Variants in HACL1 observed in about 807,000 individuals in gnomAD.
HACL1 encodes 1600020H07Rik.
In HACL1, 64 loss-of-function variants were observed where a neutral mutation model predicts 74.2. That is an observed-to-expected ratio of 0.86 (90% CI 0.70 to 1.06). HACL1 has a LOEUF of 1.06. HACL1 is among the 50% of genes least tolerant of loss of function. The probability of loss-of-function intolerance (pLI) is 0.00; values close to 1 mark genes in which losing one functional copy is unlikely to be tolerated. For missense variants in HACL1, 728 were observed against 719.7 expected (o/e 1.01, Z -0.13); for synonymous variants, 230 against 238.8 (o/e 0.96, Z 0.34).
chr3:15,570,737 T>G (rs997211523), intron 12 of HACL1, among the ~76,000 whole-genome samples: 7 of 151,932 alleles, frequency 4.6e-5, no homozygotes, highest in African/African-American at 1.7e-4. Context: ...GTATCATCAC[T>G]ACAATTTCCA....
intron 12 of HACL1, 112 bp downstream of exon 12, chr3:15,571,556 G>C (rs371866348): frequency 2.8e-6 from 2 of 724,124 alleles, no homozygotes; most frequent in African/African-American, 3.6e-5. Flanking sequence ...GGTTTTCACT[G>C]CACAATTTTG....
chr3:15,587,830 T>C lies in HACL1; in HGVS notation c.382-1228A>G, dbSNP rs182672597. 2.7e-3 allele frequency among the ~76,000 whole-genome samples: 415 copies of C among 152,310 alleles called. 6 individuals carry two copies. Among genetic ancestry groups the C allele is most frequent in the Admixed American group, 0.022 (338 of 15,292 alleles). On this transcript the variant is annotated intron_variant, in intron 5 of 16. Coordinates refer to ENST00000321169, the MANE Select transcript of HACL1 (RefSeq NM_012260.4). ...TATTTTAGTTTATCATATATGAAAT[T>C]TTATTTTTTGAAGTTCTCAGTAATG...
intron 3 of HACL1, among the ~76,000 whole-genome samples, chr3:15,594,923 A>G (rs546372476): frequency 6.6e-6 from 1 of 152,266 alleles, no homozygotes; most frequent in East Asian, 1.9e-4. Context: ...AGGTCAAGAG[A>G]CAGAGACCAT....
At position 15,567,905 on chromosome 3, in the gene HACL1, T is replaced by G. The variant is rs747401691; in HGVS notation, c.1348A>C (p.Ile450Leu). 4.3e-6 allele frequency: 7 copies of G among 1,614,032 alleles called. No individual in the cohort carries two copies. The South Asian group carries it at 7.7e-5, about 18-fold the overall frequency. ...AKDRSPGQWI[I>L]CVEGDSAFGF... The stretch of plus-strand genomic sequence containing the variant: ...AATGCACTGTCTCCTTCCACACAGA[T>G]GATCCATTGCCCAGGGCTTCTATCT... The change falls in exon 14 of 17, where the codon ATC becomes CTC. Residue 450 changes from isoleucine (I) to leucine (L), a missense_variant. Coordinates refer to ENST00000321169, the MANE Select transcript of HACL1 (RefSeq NM_012260.4).
intron 4 of HACL1, 62 bp downstream of exon 4, chr3:15,591,538 C>A: frequency 1.1e-6 from 1 of 939,990 alleles, no homozygotes; most frequent in Non-Finnish European, 1.7e-6. Context: ...ATTAGCTCTA[C>A]TCAGTAAAAT....
Position 15,564,531 on chromosome 3 carries a change from C to T in HACL1, c.1517+20G>A. ...AAACGGGAAAGAGAAAGTAAACAGA[C>T]ATTGGTCTTGGTTACTTACACTGCA... On this transcript the variant is annotated intron_variant, in intron 15 of 16. Coordinates refer to ENST00000321169, the MANE Select transcript of HACL1 (RefSeq NM_012260.4). 2 of 991,588 alleles carry T rather than the reference C, an allele frequency of 2.0e-6. No individual in the cohort carries two copies. The highest frequency in any genetic ancestry group is 3.2e-5 in the African/African-American group (2 of 62,774). 61.4% of individuals were successfully genotyped at this position (991,588 alleles called of 1,614,324 possible).
At chr3:15,562,044 G>A (rs1260971800) in intron 16 of HACL1, among the ~76,000 whole-genome samples, 1 of 152,206 alleles carries the variant, frequency 6.6e-6, no homozygotes, top group Non-Finnish European at 1.5e-5. Context: ...GATGCCCGGA[G>A]GAGGGTGTTT....
At chr3:15,593,156 CACATACGT>C (rs1195931866) in intron 3 of HACL1, among the ~76,000 whole-genome samples, 1 of 148,918 alleles carries the variant, frequency 6.7e-6, no homozygotes. Context: ...CACACATACA[CACATACGT>C]ATATATGTGT....
Position 15,568,550 on chromosome 3 carries a change from A to G in HACL1, c.1132T>C (p.Tyr378His), listed in dbSNP as rs773187144. 8 of 1,575,170 alleles carry G rather than the reference A, an allele frequency of 5.1e-6. No homozygotes were observed. In the African/African-American group the frequency reaches 1.1e-4, roughly 21 times the overall value. ...ASKKSLPMNY[Y>H]TVFYHVQEQL... is the part of the protein sequence containing the mutation. ...TCTTGAACATGGTAGAATACTGTGT[A>G]ATAATTCATAGGCAGGGATTTTTTA... Residue 378 changes from tyrosine (Y) to histidine (H), a missense_variant, in exon 13 of 17, where the codon TAC becomes CAC. Coordinates refer to ENST00000321169, the MANE Select transcript of HACL1 (RefSeq NM_012260.4).
At chr3:15,585,510 TTTTA>T (rs764812898) in intron 6 of HACL1, among the ~76,000 whole-genome samples, 168 bp from the exon 7 acceptor site, 8 of 152,294 alleles carry the variant, frequency 5.3e-5, no homozygotes, top group East Asian at 3.9e-4. Flanking sequence ...TTGACTACAT[TTTTA>T]AAGATTTTTT....
intron 14 of HACL1, among the ~76,000 whole-genome samples, chr3:15,564,889 G>A (rs1387685973): frequency 6.6e-6 from 1 of 152,148 alleles, no homozygotes; most frequent in African/African-American, 2.4e-5. Flanking sequence ...AGTCCTGGCT[G>A]GGCATGATGG....
chr3:15,593,891 G>A (rs576610970), intron 3 of HACL1, among the ~76,000 whole-genome samples: 12 of 144,298 alleles, frequency 8.3e-5, no homozygotes, highest in South Asian at 4.6e-4. Flanking sequence ...TCCGCCTCCC[G>A]GATTCAAGTG....
At chr3:15,565,161 T>C (rs939907646) in intron 14 of HACL1, among the ~76,000 whole-genome samples, 2 of 149,354 alleles carry the variant, frequency 1.3e-5, no homozygotes, top group African/African-American at 4.9e-5. Context: ...CAAGACTCCA[T>C]CTCAGAAAAA....
At position 15,564,628 on chromosome 3, in the gene HACL1, C is replaced by G; in HGVS notation, c.1440G>C (p.Val480=). 1 of 1,553,582 alleles carries G rather than the reference C, an allele frequency of 6.4e-7. No homozygotes were observed. The highest frequency in any genetic ancestry group is 8.9e-7 in the Non-Finnish European group (1 of 1,127,950). Residue 480 remains valine, a synonymous_variant, in exon 15 of 17, where the codon GTG becomes GTC. Coordinates refer to ENST00000321169, the MANE Select transcript of HACL1 (RefSeq NM_012260.4). ...RYNLPIILLV[V]NNNGIYQGFD... ...AACCTTGGTAAATTCCATTGTTATT[C>G]ACTACCAACAGTATGATTGGCAAGT... is the stretch of plus-strand genomic sequence containing the variant.
chr3:15,591,671 G>C lies in HACL1; in HGVS notation c.237C>G (p.Val79=), dbSNP rs1178641214. ...AIGYLTSRPG[V]CLVVSGPGLI... ...GACCTGGGCCAGAAACAACAAGGCA[G>C]ACTCCTGGCCTAAAAGCAAAACAGA... Residue 79 remains valine (V), a synonymous_variant, in exon 4 of 17, where the codon GTC becomes GTG. Transcript: ENST00000321169. 6.2e-7 allele frequency: 1 copy of C among 1,609,532 alleles called. No individual in the cohort carries two copies. The highest frequency in any genetic ancestry group is 8.5e-7 in the Non-Finnish European group (1 of 1,176,386).
At chr3:15,595,257 T>A (rs905513296) in intron 3 of HACL1, among the ~76,000 whole-genome samples, 1 of 152,180 alleles carries the variant, frequency 6.6e-6, no homozygotes, top group Admixed American at 6.6e-5. Context: ...AAAATATTTG[T>A]CATATGTAAA....
intron 7 of HACL1, among the ~76,000 whole-genome samples, chr3:15,584,318 G>A (rs968195022): frequency 1.3e-5 from 2 of 152,090 alleles, no homozygotes; most frequent in East Asian, 1.9e-4. Flanking sequence ...GGCTGGGCAC[G>A]GTGGCTCATG....
At chr3:15,562,048 G>A (rs1352344647) in intron 16 of HACL1, among the ~76,000 whole-genome samples, 3 of 152,148 alleles carry the variant, frequency 2.0e-5, no homozygotes, top group East Asian at 1.9e-4. Flanking sequence ...CCCGGAGGAG[G>A]GTGTTTTTGG....
chr3:15,592,442 G>A (rs1311245089), intron 3 of HACL1, among the ~76,000 whole-genome samples: 2 of 145,610 alleles, frequency 1.4e-5, no homozygotes, highest in African/African-American at 2.6e-5. Context: ...GTAGACACAC[G>A]TATACATACA....
Sources: allele counts gnomAD v4.1 joint callset (sites outside exome capture counted in the v4.1 genomes callset), GRCh38; gene constraint gnomAD v4.1.1; transcripts MANE v1.5; gene names NCBI Gene and HGNC (gene_info 2026-07-23, HGNC 2026-07-21).